Variants in PPP1R17 observed in about 807,000 individuals in gnomAD.
The protein encoded by PPP1R17 is G-substrate.
Under a neutral mutation model 15.9 loss-of-function variants are expected in PPP1R17, and 12 were observed. That is an observed-to-expected ratio of 0.75 (90% CI 0.48 to 1.22). The LOEUF (loss-of-function observed/expected upper bound fraction) is 1.22, where lower values mean the gene tolerates loss of function less well. Ranked by LOEUF, PPP1R17 falls within the 50% of genes most tolerant of loss-of-function variation. The pLI is 0.00. For synonymous variants in PPP1R17, 63 were observed against 64.5 expected (o/e 0.98, Z 0.11); for missense variants, 211 against 187.3 (o/e 1.13, Z -0.74).
At chr7:31,705,332 A>C (rs1378894419) in intron 4 of PPP1R17, among the ~76,000 whole-genome samples, 1 of 152,178 alleles carries the variant, frequency 6.6e-6, no homozygotes, top group African/African-American at 2.4e-5. Context: ...ATTTTGGCTT[A>C]ATGTGAAGAG....
chr7:31,692,572 G>T, intron 2 of PPP1R17, 49 bp downstream of exon 2: 2 of 1,524,190 alleles, frequency 1.3e-6, no homozygotes, highest in African/African-American at 1.4e-5. Context: ...TCAGAGAAGA[G>T]GCGTCTCAGC....
At chr7:31,691,744 T>C (rs1353264670) in intron 1 of PPP1R17, among the ~76,000 whole-genome samples, 1 of 140,732 alleles carries the variant, frequency 7.1e-6, no homozygotes, top group East Asian at 2.0e-4. Context: ...CATCATAATG[T>C]GGATGGGGAG....
intron 1 of PPP1R17, among the ~76,000 whole-genome samples, chr7:31,690,307 C>T (rs1336793999): frequency 6.6e-6 from 1 of 152,202 alleles, no homozygotes; most frequent in East Asian, 1.9e-4. Flanking sequence ...GCTAAGCATG[C>T]AGCTATGCTA....
At chr7:31,692,665 T>A (rs953560884) in intron 2 of PPP1R17, 142 bp downstream of exon 2, 3 of 702,578 alleles carry the variant, frequency 4.3e-6, no homozygotes, top group African/African-American at 3.6e-5. Context: ...CAACACCAGA[T>A]GGGCAGGCAA....
chr7:31,692,435 T>A lies in PPP1R17; in HGVS notation c.-7T>A, dbSNP rs200427186. The stretch of plus-strand genomic sequence containing the variant: ...GGAGAAGAAATACATCCACCCACCC[T>A]CCTTTGATGATGTCCACTGAGCAAA... On this transcript the variant is annotated 5_prime_UTR_variant, in exon 2 of 5. Transcript: ENST00000342032. 1.1e-4 allele frequency: 182 copies of A among 1,599,762 alleles called. No homozygotes were observed. Among genetic ancestry groups the A allele is most frequent in the Non-Finnish European group, 1.5e-4 (171 of 1,167,250 alleles).
rs749650296 is a variant in PPP1R17, at chr7:31,707,239, A to G, written c.424A>G (p.Ile142Val). 7 of 1,614,094 alleles carry G rather than the reference A, an allele frequency of 4.3e-6. No individual in the cohort carries two copies. Among genetic ancestry groups the G allele is most frequent in the South Asian group, 1.1e-5 (1 of 91,078 alleles). The change falls in exon 5 of 5, where the codon ATC (isoleucine) becomes GTC (valine). Residue 142 changes from isoleucine (I) to valine (V), a missense_variant. Ile to Val is a conservative substitution (Grantham distance 29, BLOSUM62 3). Coordinates refer to ENST00000342032, the MANE Select transcript of PPP1R17 (RefSeq NM_006658.5). ...GCTCAGGGACGAGAGACCCAAAGCA[A>G]TCGTGGAAGATGACGAAAAGGATGG... The part of the protein sequence containing the change: ...TLLRDERPKA[I>V]VEDDEKDGDK...
At chr7:31,701,165 A>G (rs1305405335) in intron 4 of PPP1R17, among the ~76,000 whole-genome samples, 1 of 152,224 alleles carries the variant, frequency 6.6e-6, no homozygotes, top group Admixed American at 6.5e-5. Context: ...CCTTCTGGAA[A>G]CAATTTGGTA....
At chr7:31,689,251 T>C (rs983277296) in intron 1 of PPP1R17, among the ~76,000 whole-genome samples, 1 of 152,150 alleles carries the variant, frequency 6.6e-6, no homozygotes, top group Non-Finnish European at 1.5e-5. Flanking sequence ...GTTAAAAAGG[T>C]CACAAGTCTT....
chr7:31,689,287 A>AC (rs1792236015), intron 1 of PPP1R17, among the ~76,000 whole-genome samples: 1 of 152,158 alleles, frequency 6.6e-6, no homozygotes, highest in Non-Finnish European at 1.5e-5. Flanking sequence ...TTATGAAAAC[A>AC]CCCCCAAATG....
chr7:31,696,886 C>T (rs2128241914), intron 3 of PPP1R17, 79 bp from the exon 4 acceptor site: 1 of 1,475,184 alleles, frequency 6.8e-7, no homozygotes, highest in East Asian at 2.3e-5. Context: ...CACCAGATGT[C>T]TATAAATATG....
rs1348394688 is a variant in PPP1R17, at chr7:31,707,540, T to C, written c.*257T>C. The C allele has an allele frequency of 2.3e-6, 1 of 431,306 alleles. No homozygotes were observed. The allele number at this position is 431,306 out of a possible 1,614,324, so 26.7% of individuals were successfully genotyped here. ...TGGAAAAGAAACAGATCATCCTAAATGAGGAGGTAACAGGGAAAGCACTGG... is the reference window on the plus strand; with the variant it reads ...TGGAAAAGAAACAGATCATCCTAAACGAGGAGGTAACAGGGAAAGCACTGG... On this transcript the variant is annotated 3_prime_UTR_variant, in exon 5 of 5. Coordinates refer to ENST00000342032, the MANE Select transcript of PPP1R17 (RefSeq NM_006658.5).
At position 31,708,350 on chromosome 7, in the gene PPP1R17, C is replaced by CAAATTG. The variant is rs1249120075; in HGVS notation, c.*1067_*1068insAAATTG. 6.6e-6 allele frequency: 1 copy of CAAATTG among 152,194 alleles called. No homozygotes were observed. The highest frequency in any genetic ancestry group is 1.9e-4 in the East Asian group (1 of 5,190). 9.4% of individuals were successfully genotyped at this position (152,194 alleles called of 1,614,324 possible). On this transcript the variant is annotated 3_prime_UTR_variant, in exon 5 of 5. Transcript: ENST00000342032. ...ACAACTAAGAGTGATAATTTGGTAGCTCTGTATGTATGCTGGTTCCAACTG... is the reference window on the plus strand; with the variant it reads ...ACAACTAAGAGTGATAATTTGGTAGCAAATTGTCTGTATGTATGCTGGTTCCAACTG...
At chr7:31,700,956 C>G (rs1359149734) in intron 4 of PPP1R17, among the ~76,000 whole-genome samples, 1 of 152,198 alleles carries the variant, frequency 6.6e-6, no homozygotes, top group African/African-American at 2.4e-5. Flanking sequence ...TACCTCATCA[C>G]CCAAGAGCTC....
In PPP1R17 at chr7:31,690,721, G is replaced by A. The variant is rs1213554181; in HGVS notation, c.-36-1685G>A. Among the ~76,000 whole-genome samples the A allele has an allele frequency of 5.9e-5, 9 of 152,134 alleles. No homozygotes were observed. In the East Asian group the frequency reaches 1.7e-3, roughly 29 times the overall value. On this transcript the variant is annotated intron_variant, in intron 1 of 4. Coordinates refer to ENST00000342032, the MANE Select transcript of PPP1R17 (RefSeq NM_006658.5). ...AAAACCGCCTTACCTTTCAAGGGTC[G>A]GGGAGAAGGATAAAGGTACTAACAG...
chr7:31,697,183 G>A (rs1792624483), intron 4 of PPP1R17, 66 bp downstream of exon 4: 30 of 1,572,228 alleles, frequency 1.9e-5, no homozygotes, highest in Non-Finnish European at 2.6e-5. Flanking sequence ...TTACCATCTG[G>A]AGGTCCCCAG....
Position 31,687,233 on chromosome 7 carries a change from G to A in PPP1R17, c.-110G>A, listed in dbSNP as rs1477649137. On this transcript the variant is annotated 5_prime_UTR_variant, in exon 1 of 5. Transcript: ENST00000342032. ...CAGCAGCAGCCACTGCCGCAGAGGA[G>A]CCAGGCCCAGCCTCGGTGAGCACAC... The A allele has an allele frequency of 1.3e-5, 2 of 152,508 alleles. No homozygotes were observed. Among genetic ancestry groups the A allele is most frequent in the Non-Finnish European group, 2.9e-5 (2 of 68,286 alleles). 9.4% of individuals were successfully genotyped at this position (152,508 alleles called of 1,614,324 possible).
chr7:31,701,005 C>A (rs933179797), intron 4 of PPP1R17, among the ~76,000 whole-genome samples: 2 of 152,172 alleles, frequency 1.3e-5, no homozygotes, highest in Non-Finnish European at 2.9e-5. Flanking sequence ...TGTTTTCATG[C>A]CTGCTAATGT....
At chr7:31,700,223 T>C (rs1792784115) in intron 4 of PPP1R17, among the ~76,000 whole-genome samples, 1 of 152,118 alleles carries the variant, frequency 6.6e-6, no homozygotes, top group Admixed American at 6.5e-5. Flanking sequence ...TTGAAGGAAA[T>C]TAAAAGTTCT....
rs1490855554 is a variant in PPP1R17, at chr7:31,708,113, A to C, written c.*830A>C. ...TGAAAGCCATTCTGTTATTTTTAGC[A>C]TTCTCACTTATTTAGACTCTATTAC... On this transcript the variant is annotated 3_prime_UTR_variant, in exon 5 of 5. Coordinates refer to ENST00000342032, the MANE Select transcript of PPP1R17 (RefSeq NM_006658.5). 1 of 152,224 alleles carries C rather than the reference A, an allele frequency of 6.6e-6. No individual in the cohort carries two copies. Among genetic ancestry groups the C allele is most frequent in the African/African-American group, 2.4e-5 (1 of 41,452 alleles). 9.4% of individuals were successfully genotyped at this position (152,224 alleles called of 1,614,324 possible).
Sources: allele counts gnomAD v4.1 joint callset (sites outside exome capture counted in the v4.1 genomes callset), GRCh38; gene constraint gnomAD v4.1.1; transcripts MANE v1.5; gene names NCBI Gene and HGNC (gene_info 2026-07-23, HGNC 2026-07-21).